The following MYRIP variants were observed in gnomAD, a reference collection of about 807,000 sequenced individuals.
MYRIP encodes the protein rab effector MyRIP.
In MYRIP, 49 loss-of-function variants were observed where a neutral mutation model predicts 98.0. The observed-to-expected ratio is 0.50, with a 90% confidence interval of 0.40 to 0.63. The LOEUF (loss-of-function observed/expected upper bound fraction) is 0.63, where lower values mean the gene tolerates loss of function less well. MYRIP is among the 30% of genes least tolerant of loss of function. The pLI is 0.00. For synonymous variants in MYRIP, 404 were observed against 409.5 expected (o/e 0.99, Z 0.16); for missense variants, 1,004 against 1,058.2 (o/e 0.95, Z 0.71).
chr3:40,185,349 C>T lies in MYRIP; in HGVS notation c.1027+2976C>T, dbSNP rs147966430. The stretch of plus-strand genomic sequence containing the variant: ...GATTAGGCATCTGCTGTATATGCTG[C>T]GTGTGTTCAGTGTTGGGGAAATAAA... On this transcript the variant is annotated intron_variant, in intron 9 of 16. Coordinates refer to ENST00000302541, the MANE Select transcript of MYRIP (RefSeq NM_015460.4). 1.5e-3 allele frequency among the ~76,000 whole-genome samples: 232 copies of T among 152,154 alleles called. 1 individual carries two copies. Among genetic ancestry groups the T allele is most frequent in the African/African-American group, 5.2e-3 (215 of 41,496 alleles).
At chr3:40,246,089 G>C (rs899094368) in intron 13 of MYRIP, among the ~76,000 whole-genome samples, 3 of 105,074 alleles carry the variant, frequency 2.9e-5, no homozygotes, top group Non-Finnish European at 5.5e-5. Context: ...ATCATTGGGA[G>C]AACTGTGGTC....
chr3:40,135,089 T>A (rs1359641053), intron 3 of MYRIP, among the ~76,000 whole-genome samples: 1 of 152,128 alleles, frequency 6.6e-6, no homozygotes, highest in East Asian at 1.9e-4. Context: ...TACTCTGAGC[T>A]ACAGGAGGAA....
At chr3:40,068,778 T>C (rs1948169896) in intron 3 of MYRIP, among the ~76,000 whole-genome samples, 1 of 152,214 alleles carries the variant, frequency 6.6e-6, no homozygotes, top group African/African-American at 2.4e-5. Flanking sequence ...TCCCCATTTG[T>C]CATTTATATT....
intron 2 of MYRIP, among the ~76,000 whole-genome samples, chr3:39,905,746 G>A (rs1051124636): frequency 3.9e-5 from 6 of 152,258 alleles, no homozygotes; most frequent in East Asian, 3.9e-4. Flanking sequence ...ATATAGTTAC[G>A]ATTGAAAATA....
intron 2 of MYRIP, among the ~76,000 whole-genome samples, chr3:40,030,070 A>G (rs1008485851): frequency 4.0e-5 from 6 of 151,638 alleles, no homozygotes; most frequent in Non-Finnish European, 1.5e-5. Flanking sequence ...TACAAGAAAG[A>G]AAAGAAAGGA....
At chr3:39,875,262 T>C (rs1942951325) in intron 1 of MYRIP, among the ~76,000 whole-genome samples, 1 of 152,204 alleles carries the variant, frequency 6.6e-6, no homozygotes, top group Non-Finnish European at 1.5e-5. Context: ...TAGTGGTCTA[T>C]CAATTTTGTT....
intron 3 of MYRIP, among the ~76,000 whole-genome samples, chr3:40,053,232 A>G (rs1032732002): frequency 6.6e-6 from 1 of 152,042 alleles, no homozygotes; most frequent in African/African-American, 2.4e-5. Context: ...CTGGCTTCCC[A>G]GGGATAATGG....
At chr3:39,874,773 G>C (rs534352375) in intron 1 of MYRIP, among the ~76,000 whole-genome samples, 93 of 152,280 alleles carry the variant, frequency 6.1e-4, no homozygotes, top group African/African-American at 2.0e-3. Flanking sequence ...TTGCATCAAT[G>C]TTCATTAAGG....
intron 9 of MYRIP, among the ~76,000 whole-genome samples, chr3:40,188,214 A>G (rs1951089351): frequency 6.6e-6 from 1 of 152,204 alleles, no homozygotes. Flanking sequence ...AGCAGGTACA[A>G]TGCTCTGTGG....
At chr3:39,872,369 G>T (rs1352929571) in intron 1 of MYRIP, among the ~76,000 whole-genome samples, 2 of 151,098 alleles carry the variant, frequency 1.3e-5, no homozygotes, top group East Asian at 3.9e-4. Context: ...TAAGTTTTAG[G>T]GTACATGTGC....
intron 2 of MYRIP, among the ~76,000 whole-genome samples, chr3:39,914,913 T>C (rs574533588): frequency 1.1e-4 from 14 of 121,878 alleles, no homozygotes; most frequent in African/African-American, 4.2e-4. Flanking sequence ...CAAAGACATT[T>C]TCCCCTTCCT....
intron 5 of MYRIP, chr3:40,163,055 G>A: frequency 5.1e-6 from 2 of 390,940 alleles, no homozygotes; most frequent in Non-Finnish European, 9.3e-6. Context: ...ATACTTTACA[G>A]TCAACTAGTA....
At chr3:40,159,867 T>A (rs887385623) in intron 4 of MYRIP, among the ~76,000 whole-genome samples, 6 of 152,238 alleles carry the variant, frequency 3.9e-5, no homozygotes, top group Admixed American at 2.6e-4. Flanking sequence ...AGCACTTCTC[T>A]GTGTTAGTTA....
chr3:40,256,255 A>G (rs556247309), intron 16 of MYRIP, among the ~76,000 whole-genome samples: 15 of 152,234 alleles, frequency 9.9e-5, no homozygotes, highest in Non-Finnish European at 2.2e-4. Flanking sequence ...GTACTCATAT[A>G]CACAACTGTC....
chr3:40,192,354 T>TCATATACATATATGTCA (rs1437789781), intron 10 of MYRIP, among the ~76,000 whole-genome samples: 1 of 34,888 alleles, frequency 2.9e-5, no homozygotes, highest in African/African-American at 1.0e-4. Flanking sequence ...ATATATATAT[T>TCATATACATATATGTCA]TATATTTATT....
intron 2 of MYRIP, among the ~76,000 whole-genome samples, chr3:40,011,560 GT>G (rs770721222): frequency 6.6e-6 from 1 of 152,158 alleles, no homozygotes; most frequent in East Asian, 1.9e-4. Context: ...GCTCACCACT[GT>G]TTGCCCAAAT....
intron 1 of MYRIP, among the ~76,000 whole-genome samples, chr3:39,883,906 T>G (rs9811508): frequency 0.63 from 95,010 of 151,748 alleles, 30,881 homozygotes; most frequent in African/African-American, 0.82. Context: ...TCAAAAAGAG[T>G]TATTATTCGA....
intron 4 of MYRIP, among the ~76,000 whole-genome samples, chr3:40,157,586 G>A (rs1422889622): frequency 6.9e-6 from 1 of 144,716 alleles, no homozygotes; most frequent in African/African-American, 2.6e-5. Flanking sequence ...GTTCCTCCTT[G>A]TACCTCTGGT....
rs145341948 is a variant in MYRIP, at chr3:40,090,733, T to C, written c.332+46462T>C. 7.3e-3 allele frequency among the ~76,000 whole-genome samples: 1,111 copies of C among 152,338 alleles called. 12 individuals are homozygous for C. The highest frequency in any genetic ancestry group is 0.025 in the African/African-American group (1,031 of 41,568). On this transcript the variant is annotated intron_variant, in intron 3 of 16. Coordinates refer to ENST00000302541, the MANE Select transcript of MYRIP (RefSeq NM_015460.4). ...AATAAAAGGGTAGTAAATGCTGACA[T>C]TTTATGCGGCATGTGTTTCTGTGCC...
Sources: gnomAD v4.1 joint callset for allele counts (sites outside exome capture counted in the v4.1 genomes callset) on GRCh38, gnomAD v4.1.1 for gene constraint, MANE v1.5 for transcripts, NCBI Gene and HGNC (gene_info 2026-07-23, HGNC 2026-07-21) for gene names.